H2BN1: variants seen among roughly 807,000 people sequenced by gnomAD.
H2BN1 encodes H2B.N variant histone 1.
the H2BN1 span, among the ~76,000 whole-genome samples, chr17:32,898,663 G>T: frequency 6.6e-6 from 1 of 152,156 alleles, no homozygotes; most frequent in Non-Finnish European, 1.5e-5. Flanking sequence ...TTTATTTTTA[G>T]ATGGGTAGGT....
the H2BN1 span, among the ~76,000 whole-genome samples, chr17:32,902,607 G>A: frequency 3.3e-5 from 5 of 152,146 alleles, no homozygotes; most frequent in Admixed American, 1.3e-4. Context: ...TTGGGAAGCC[G>A]AGGCAGGCGG....
the H2BN1 span, among the ~76,000 whole-genome samples, chr17:32,898,182 C>T: frequency 1.3e-5 from 2 of 152,204 alleles, no homozygotes; most frequent in East Asian, 1.9e-4. Flanking sequence ...GTGACACAGT[C>T]TCAGGAGGTT....
At chr17:32,901,326 T>C in the H2BN1 span, among the ~76,000 whole-genome samples, 1 of 152,192 alleles carries the variant, frequency 6.6e-6, no homozygotes, top group Non-Finnish European at 1.5e-5. Context: ...ACATAGGGGC[T>C]TATGCATTGG....
At chr17:32,896,725 CTCTTTGTTGTGGGGT>C in the H2BN1 span, among the ~76,000 whole-genome samples, 3 of 152,160 alleles carry the variant, frequency 2.0e-5, no homozygotes, top group African/African-American at 7.2e-5. Context: ...GGCTGGTTAA[CTCTTTGTTGTGGGGT>C]TCTGTGCATT....
chr17:32,895,441 C>G, the H2BN1 span, among the ~76,000 whole-genome samples: 1 of 152,166 alleles, frequency 6.6e-6, no homozygotes, highest in Non-Finnish European at 1.5e-5. Flanking sequence ...ACATGTATTT[C>G]ATTTGCTTAA....
the H2BN1 span, among the ~76,000 whole-genome samples, chr17:32,896,503 C>A: frequency 2.0e-5 from 3 of 151,962 alleles, no homozygotes; most frequent in Non-Finnish European, 4.4e-5. Flanking sequence ...CTGAATTTTA[C>A]GCCTTCATGA....
the H2BN1 span, among the ~76,000 whole-genome samples, chr17:32,901,595 C>G: frequency 2.0e-5 from 3 of 152,090 alleles, no homozygotes. Flanking sequence ...GACTTGGTGT[C>G]CTTTTTAGTC....
At chr17:32,901,246 A>T in the H2BN1 span, among the ~76,000 whole-genome samples, 1 of 152,180 alleles carries the variant, frequency 6.6e-6, no homozygotes, top group Non-Finnish European at 1.5e-5. Flanking sequence ...CATAAGATAT[A>T]ATTTCCATAA....
chr17:32,895,791 G>T, the H2BN1 span, among the ~76,000 whole-genome samples: 1 of 152,132 alleles, frequency 6.6e-6, no homozygotes, highest in African/African-American at 2.4e-5. Context: ...GTCTTCTCTC[G>T]CTTCGTTTTC....
the H2BN1 span, among the ~76,000 whole-genome samples, chr17:32,897,635 G>C: frequency 6.6e-6 from 1 of 152,166 alleles, no homozygotes; most frequent in African/African-American, 2.4e-5. Context: ...AGTGTGTGTG[G>C]AACACAGATA....
At chr17:32,902,839 CAAA>C in the H2BN1 span, among the ~76,000 whole-genome samples, 1 of 144,522 alleles carries the variant, frequency 6.9e-6, no homozygotes, top group African/African-American at 2.5e-5. Flanking sequence ...GACTCCATCT[CAAA>C]AAAAAAAAAA....
the H2BN1 span, among the ~76,000 whole-genome samples, chr17:32,904,130 A>AC: frequency 2.0e-5 from 3 of 151,238 alleles, no homozygotes; most frequent in African/African-American, 7.3e-5. Context: ...ATGGGGGTCA[A>AC]CCCCCCAGAC....
the H2BN1 span, among the ~76,000 whole-genome samples, chr17:32,904,731 A>G: frequency 1.3e-5 from 2 of 151,788 alleles, no homozygotes; most frequent in East Asian, 1.9e-4. Flanking sequence ...GCAAGGAGGT[A>G]TGGGGTGGAA....
chr17:32,898,756 A>G, the H2BN1 span, among the ~76,000 whole-genome samples: 4 of 152,228 alleles, frequency 2.6e-5, no homozygotes, highest in African/African-American at 9.6e-5. Context: ...GGAAGGGAGA[A>G]AAACAAAAAC....
At chr17:32,896,005 C>T in the H2BN1 span, among the ~76,000 whole-genome samples, 1 of 152,158 alleles carries the variant, frequency 6.6e-6, no homozygotes, top group South Asian at 2.1e-4. Flanking sequence ...TCAAATGATT[C>T]TTCCACCTCA....
At chr17:32,897,789 G>C in the H2BN1 span, among the ~76,000 whole-genome samples, 1 of 152,220 alleles carries the variant, frequency 6.6e-6, no homozygotes, top group Non-Finnish European at 1.5e-5. Context: ...GGAAGACCAA[G>C]TTTTCCAGCC....
chr17:32,905,978 T>C, the H2BN1 span, among the ~76,000 whole-genome samples: 1 of 152,240 alleles, frequency 6.6e-6, no homozygotes, highest in Non-Finnish European at 1.5e-5. Context: ...CCTTTTACAG[T>C]ATAACAGCCT....
chr17:32,904,799 C>T, the H2BN1 span, among the ~76,000 whole-genome samples: 2 of 151,108 alleles, frequency 1.3e-5, no homozygotes, highest in Admixed American at 6.6e-5. Flanking sequence ...ACACAGAAAC[C>T]AAATGCATTT....
the H2BN1 span, among the ~76,000 whole-genome samples, chr17:32,901,369 T>C: frequency 2.0e-5 from 3 of 152,196 alleles, no homozygotes; most frequent in East Asian, 5.8e-4. Context: ...TATTAATTAT[T>C]AATTTATAGG....
Sources: gnomAD v4.1 joint callset for allele counts (sites outside exome capture counted in the v4.1 genomes callset) on GRCh38, gnomAD v4.1.1 for gene constraint, MANE v1.5 for transcripts, NCBI Gene and HGNC (gene_info 2026-07-23, HGNC 2026-07-21) for gene names.